DNM3: variants seen among roughly 807,000 people sequenced by gnomAD.
DNM3 encodes dynamin 3.
A neutral mutation model predicts 101.6 loss-of-function variants in DNM3; 47 were observed. The ratio of observed to expected loss-of-function variants is 0.46; its 90% CI spans 0.37 to 0.59. The LOEUF (loss-of-function observed/expected upper bound fraction) is 0.59. Ranked by LOEUF, DNM3 falls within the 20% of genes least tolerant of loss-of-function variation. The pLI, the probability that DNM3 is intolerant of heterozygous loss-of-function variation, is 0.00. For missense variants in DNM3, 849 were observed against 1,085.7 expected (o/e 0.78, Z 3.06); for synonymous variants, 385 against 387.9 (o/e 0.99, Z 0.09).
intron 2 of DNM3, among the ~76,000 whole-genome samples, chr1:171,949,791 G>A (rs529506316): frequency 6.6e-6 from 1 of 152,258 alleles, no homozygotes; most frequent in African/African-American, 2.4e-5. Context: ...TGTTGACTAG[G>A]ATGCGGAGGA....
At chr1:172,256,564 A>T (rs2062406810) in intron 15 of DNM3, among the ~76,000 whole-genome samples, 1 of 151,862 alleles carries the variant, frequency 6.6e-6, no homozygotes, top group African/African-American at 2.4e-5. Flanking sequence ...TTCTAATATT[A>T]ATCCTTATCT....
chr1:172,161,840 C>A (rs2148292448), intron 14 of DNM3, among the ~76,000 whole-genome samples: 1 of 152,152 alleles, frequency 6.6e-6, no homozygotes, highest in Non-Finnish European at 1.5e-5. Flanking sequence ...AAAGAATGAA[C>A]TCCATGAAAT....
chr1:172,173,960 C>G (rs983684305), intron 14 of DNM3, among the ~76,000 whole-genome samples: 5 of 151,506 alleles, frequency 3.3e-5, no homozygotes, highest in African/African-American at 1.2e-4. Context: ...GAATACCAAA[C>G]TAGAAATCCA....
chr1:171,949,942 GA>G (rs1223504718), intron 2 of DNM3, among the ~76,000 whole-genome samples: 2 of 152,120 alleles, frequency 1.3e-5, no homozygotes, highest in Non-Finnish European at 2.9e-5. Flanking sequence ...TTACCCAAGA[GA>G]AATGGATGCA....
chr1:172,391,021 G>A (rs757138824), intron 20 of DNM3, among the ~76,000 whole-genome samples: 4 of 152,200 alleles, frequency 2.6e-5, no homozygotes, highest in Admixed American at 6.5e-5. Flanking sequence ...TGGAGTTGCC[G>A]TTAGTATTTT....
chr1:172,027,026 A>T (rs2048253245), intron 4 of DNM3, among the ~76,000 whole-genome samples: 1 of 152,180 alleles, frequency 6.6e-6, no homozygotes, highest in South Asian at 2.1e-4. Context: ...AAAATCCTTT[A>T]CAGACAAGCA....
At chr1:171,956,009 C>T (rs530821634) in intron 2 of DNM3, among the ~76,000 whole-genome samples, 1 of 152,258 alleles carries the variant, frequency 6.6e-6, no homozygotes, top group Admixed American at 6.5e-5. Context: ...TCAATTATCT[C>T]CCACCAGGTC....
At chr1:171,863,718 C>T (rs1045357773) in intron 1 of DNM3, among the ~76,000 whole-genome samples, 1 of 152,124 alleles carries the variant, frequency 6.6e-6, no homozygotes, top group African/African-American at 2.4e-5. Context: ...TCCTAGAATG[C>T]AGCAAGCCCT....
rs866697385 is a variant in DNM3 at position 172,062,960 on chromosome 1, G to A, written c.1336-5859G>A. On this transcript the variant is annotated intron_variant, in intron 10 of 20. Transcript: ENST00000627582. ...CAAAGGATTGCTAGGGATTTTGTTG[G>A]GTTGGGTGGGTGGTTAATTCACAGA... Among the ~76,000 whole-genome samples, 7 of 152,244 alleles carry A rather than the reference G, an allele frequency of 4.6e-5. 1 individual carries two copies. Among genetic ancestry groups the A allele is most frequent in the Middle Eastern group, 6.8e-3 (2 of 294 alleles).
At chr1:172,031,628 A>G (rs2819527) in intron 4 of DNM3, among the ~76,000 whole-genome samples, 107,051 of 152,072 alleles carry the variant, frequency 0.7, 39,028 homozygotes, top group African/African-American at 0.9. Context: ...AATGAAGAAA[A>G]CAAATGACAA....
chr1:172,347,517 A>G (rs2067002193), intron 17 of DNM3, among the ~76,000 whole-genome samples: 2 of 152,218 alleles, frequency 1.3e-5, no homozygotes, highest in Non-Finnish European at 2.9e-5. Flanking sequence ...ATAAAATATA[A>G]TCACTGCAAT....
At chr1:172,201,970 T>C (rs1247908829) in intron 14 of DNM3, among the ~76,000 whole-genome samples, 1 of 152,144 alleles carries the variant, frequency 6.6e-6, no homozygotes, top group African/African-American at 2.4e-5. Flanking sequence ...TGAAGGTGCT[T>C]CCCTGCAAGA....
intron 10 of DNM3, among the ~76,000 whole-genome samples, chr1:172,050,461 C>CTT (rs35855309): frequency 0.35 from 52,499 of 151,916 alleles, 10,212 homozygotes; most frequent in Non-Finnish European, 0.43. Flanking sequence ...TAATAATATA[C>CTT]TTTAAATAAA....
intron 14 of DNM3, among the ~76,000 whole-genome samples, chr1:172,237,408 A>G (rs749081732): frequency 7.2e-5 from 11 of 152,172 alleles, no homozygotes; most frequent in Non-Finnish European, 1.5e-4. Context: ...TCTGAGGGCC[A>G]GATCTGCACT....
intron 14 of DNM3, among the ~76,000 whole-genome samples, chr1:172,160,501 A>C (rs1015760958): frequency 1.3e-5 from 2 of 151,964 alleles, no homozygotes; most frequent in East Asian, 3.9e-4. Context: ...GCCCAGGTCC[A>C]CACAGGATTG....
At position 172,337,190 on chromosome 1, in the gene DNM3, A is replaced by G. The variant is rs41468647; in HGVS notation, c.1893+13850A>G. Among the ~76,000 whole-genome samples the G allele has an allele frequency of 9.3e-3, 1,416 of 152,320 alleles. 31 individuals are homozygous for G. The highest frequency in any genetic ancestry group is 0.032 in the African/African-American group (1,337 of 41,572). Reference sequence around the variant, plus strand: ...ACTATTTAATAAGGCCCTGATAGGCATCATTAGGGCTACCTATTGCTGAGT... The same window carrying G: ...ACTATTTAATAAGGCCCTGATAGGCGTCATTAGGGCTACCTATTGCTGAGT... On this transcript the variant is annotated intron_variant, in intron 17 of 20. Transcript: ENST00000627582.
At chr1:172,094,086 A>T (rs559639638) in intron 13 of DNM3, among the ~76,000 whole-genome samples, 2 of 152,322 alleles carry the variant, frequency 1.3e-5, no homozygotes, top group South Asian at 4.1e-4. Context: ...TATGAGGTGT[A>T]AGCCTTTCTC....
At chr1:172,293,440 TA>T (rs2064014934) in intron 15 of DNM3, among the ~76,000 whole-genome samples, 1 of 152,230 alleles carries the variant, frequency 6.6e-6, no homozygotes, top group Non-Finnish European at 1.5e-5. Flanking sequence ...TTCTTTAAAC[TA>T]AAACACATAG....
intron 10 of DNM3, among the ~76,000 whole-genome samples, chr1:172,054,218 CAT>C (rs1183103364): frequency 6.6e-5 from 10 of 152,254 alleles, no homozygotes; most frequent in Admixed American, 3.9e-4. Flanking sequence ...CAGTGAAAAA[CAT>C]ATGTGATTTA....
Sources: gnomAD v4.1 joint callset for allele counts (sites outside exome capture counted in the v4.1 genomes callset) on GRCh38, gnomAD v4.1.1 for gene constraint, MANE v1.5 for transcripts, NCBI Gene and HGNC (gene_info 2026-07-23, HGNC 2026-07-21) for gene names.